Variants in DNAAF11 observed in about 807,000 individuals in gnomAD.
DNAAF11 encodes the protein leucine rich repeat containing 6.
Under a neutral mutation model 60.8 loss-of-function variants are expected in DNAAF11, and 45 were observed. The observed-to-expected ratio is 0.74, with a 90% CI of 0.58 to 0.95. The LOEUF is 0.95. DNAAF11 is among the 40% of genes least tolerant of loss of function. The probability of loss-of-function intolerance (pLI) is 0.00; values close to 1 mark genes in which losing one functional copy is unlikely to be tolerated. For missense variants in DNAAF11, 546 were observed against 546.2 expected, an observed-to-expected ratio of 1.00 and a Z score of 0.00; for synonymous variants, 191 against 183.5, an observed-to-expected ratio of 1.04 and a Z score of -0.33.
intron 8 of DNAAF11, among the ~76,000 whole-genome samples, chr8:132,614,502 A>T (rs950176389): frequency 6.6e-6 from 1 of 152,080 alleles, no homozygotes; most frequent in African/African-American, 2.4e-5. Flanking sequence ...TAGGGAGGAG[A>T]AAAGGACAAT....
intron 10 of DNAAF11, among the ~76,000 whole-genome samples, chr8:132,603,200 T>A (rs1817802074): frequency 6.6e-6 from 1 of 152,186 alleles, no homozygotes; most frequent in African/African-American, 2.4e-5. Context: ...AAGTTCTCAG[T>A]GTGATTGTTG....
chr8:132,602,054 T>A (rs1225600291), intron 10 of DNAAF11, among the ~76,000 whole-genome samples: 1 of 152,128 alleles, frequency 6.6e-6, no homozygotes, highest in Non-Finnish European at 1.5e-5. Context: ...TTCTCTATGC[T>A]TCATTCTGGA....
the DNAAF11 span, among the ~76,000 whole-genome samples, chr8:132,696,055 G>T: frequency 0.14 from 21,619 of 152,146 alleles, 4,399 homozygotes; most frequent in African/African-American, 0.45. Context: ...ATGGCATGGG[G>T]GAGGTGCAGT....
intron 11 of DNAAF11, 62 bp from the exon 12 acceptor site, chr8:132,572,542 T>G: frequency 8.0e-7 from 1 of 1,250,902 alleles, no homozygotes; most frequent in Non-Finnish European, 1.1e-6. Flanking sequence ...TTCAAACAGA[T>G]TCAACTCACC....
At chr8:132,599,913 T>A (rs1817427324) in intron 10 of DNAAF11, among the ~76,000 whole-genome samples, 1 of 152,152 alleles carries the variant, frequency 6.6e-6, no homozygotes, top group Non-Finnish European at 1.5e-5. Context: ...GTGTTGGAAG[T>A]TCTAGCCAGG....
At chr8:132,583,621 C>T in intron 11 of DNAAF11, 73 bp downstream of exon 11, 2 of 1,155,790 alleles carry the variant, frequency 1.7e-6, no homozygotes, top group Non-Finnish European at 1.3e-6. Flanking sequence ...ATTTTGGAAG[C>T]TGCATTCCAA....
At chr8:132,591,261 A>T (rs1445047274) in intron 10 of DNAAF11, among the ~76,000 whole-genome samples, 1 of 151,888 alleles carries the variant, frequency 6.6e-6, no homozygotes, top group Non-Finnish European at 1.5e-5. Flanking sequence ...CTTTTTTTTT[A>T]AATAGGAATT....
Position 132,572,451 on chromosome 8 carries a change from T to G in DNAAF11, c.1256A>C (p.Asp419Ala). The change falls in exon 12 of 12, where the codon GAC (aspartate) becomes GCC (alanine). Residue 419 changes from aspartate to alanine, a missense_variant. Coordinates refer to ENST00000620350, the MANE Select transcript of DNAAF11 (RefSeq NM_012472.6). ...ATCAGGGAATGAGTGCTTGCTAGGGTCTACTTCTAGTTTCTCCATGTGCTT... is the reference window on the plus strand; with the variant it reads ...ATCAGGGAATGAGTGCTTGCTAGGGGCTACTTCTAGTTTCTCCATGTGCTT... ...RSKHMEKLEVDPSKHSFPDVT... is the reference protein window; with the variant it reads ...RSKHMEKLEVAPSKHSFPDVT... The G allele has an allele frequency of 6.2e-7, 1 of 1,607,368 alleles. No individual in the cohort carries two copies. Among genetic ancestry groups the G allele is most frequent in the Non-Finnish European group, 8.5e-7 (1 of 1,177,094 alleles).
At chr8:132,696,080 G>A in the DNAAF11 span, among the ~76,000 whole-genome samples, 1 of 152,162 alleles carries the variant, frequency 6.6e-6, no homozygotes, top group African/African-American at 2.4e-5. Context: ...GGAATGACAA[G>A]GTCCAGGCTT....
chr8:132,591,004 T>C (rs1816403804), intron 10 of DNAAF11, among the ~76,000 whole-genome samples: 1 of 152,200 alleles, frequency 6.6e-6, no homozygotes, highest in Admixed American at 6.5e-5. Flanking sequence ...TTTTGAATAG[T>C]TAGATTGTTT....
In DNAAF11 at chr8:132,656,927, A is replaced by G. The variant is rs1244932662; in HGVS notation, c.179-20T>C. ...CATTTTCTGAAATACAAGATAATGT[A>G]GTTAAGATAATTAATCTTCAAAATA... On this transcript the variant is annotated intron_variant, in intron 2 of 11. Transcript: ENST00000620350. The G allele has an allele frequency of 4.4e-6, 4 of 915,198 alleles. No homozygotes were observed. The highest frequency in any genetic ancestry group is 5.1e-5 in the East Asian group (2 of 39,076). The allele number at this position is 915,198 out of a possible 1,614,324, so 56.7% of individuals were successfully genotyped here. A position where few individuals can be genotyped will look rare whatever the true frequency, so the allele number is the denominator to read the frequency against.
intron 10 of DNAAF11, among the ~76,000 whole-genome samples, chr8:132,598,895 C>T (rs1350049752): frequency 6.6e-6 from 1 of 152,140 alleles, no homozygotes; most frequent in Non-Finnish European, 1.5e-5. Flanking sequence ...CATTCAAAAG[C>T]TAGCAGAAGG....
rs73356840 is a variant in DNAAF11, at chr8:132,657,265, G to A, written c.179-358C>T. On this transcript the variant is annotated intron_variant, in intron 2 of 11. Coordinates refer to ENST00000620350, the MANE Select transcript of DNAAF11 (RefSeq NM_012472.6). ...AAGCCATGGCAGTCTTTTGGCAACC[G>A]TGTGATACAGGAGAGGACATGCACA... Among the ~76,000 whole-genome samples, 1,340 of 152,290 alleles carry A rather than the reference G, an allele frequency of 8.8e-3. 17 individuals are homozygous for A. Among genetic ancestry groups the A allele is most frequent in the African/African-American group, 0.03 (1,258 of 41,564 alleles).
At chr8:132,637,825 A>T in intron 4 of DNAAF11, 110 bp downstream of exon 4, 1 of 881,662 alleles carries the variant, frequency 1.1e-6, no homozygotes, top group Non-Finnish European at 1.7e-6. Context: ...TCTCTGGAAT[A>T]TTCCATTATC....
intron 3 of DNAAF11, among the ~76,000 whole-genome samples, chr8:132,655,198 A>T (rs1823422893): frequency 6.6e-6 from 1 of 152,058 alleles, no homozygotes; most frequent in Non-Finnish European, 1.5e-5. Flanking sequence ...ACCTTCCAAA[A>T]CTGAGTCAAG....
chr8:132,611,292 A>C lies in DNAAF11; in HGVS notation c.1044+2T>G. 6.2e-7 allele frequency: 1 copy of C among 1,607,454 alleles called. No individual in the cohort carries two copies. Among genetic ancestry groups the C allele is most frequent in the Non-Finnish European group, 8.5e-7 (1 of 1,174,180 alleles). On this transcript the variant is annotated splice_donor_variant, in intron 9 of 11. Coordinates refer to ENST00000620350, the MANE Select transcript of DNAAF11 (RefSeq NM_012472.6). LOFTEE classifies it high-confidence loss of function. Reference sequence around the variant, plus strand: ...TGTAATAGCCTACAGGGTTCTACTTACCTTTCCTTTGATCATTACTCGCAC... The same window carrying C: ...TGTAATAGCCTACAGGGTTCTACTTCCCTTTCCTTTGATCATTACTCGCAC...
chr8:132,628,253 G>C (rs1229145895), intron 5 of DNAAF11, among the ~76,000 whole-genome samples: 1 of 151,842 alleles, frequency 6.6e-6, no homozygotes, highest in Non-Finnish European at 1.5e-5. Context: ...CTCCACTAAA[G>C]ATACAAAAAT....
chr8:132,624,374 A>G (rs756267163), intron 6 of DNAAF11, among the ~76,000 whole-genome samples: 1 of 152,200 alleles, frequency 6.6e-6, no homozygotes, highest in Non-Finnish European at 1.5e-5. Context: ...ACATGCATAC[A>G]TAATCTTATT....
chr8:132,689,334 C>A, the DNAAF11 span, among the ~76,000 whole-genome samples: 1 of 152,138 alleles, frequency 6.6e-6, no homozygotes, highest in Non-Finnish European at 1.5e-5. Context: ...ATGGGGGGAA[C>A]TAGAGTTTTG....
Sources: gnomAD v4.1 joint callset for allele counts (sites outside exome capture counted in the v4.1 genomes callset) on GRCh38, gnomAD v4.1.1 for gene constraint, MANE v1.5 for transcripts, NCBI Gene and HGNC (gene_info 2026-07-23, HGNC 2026-07-21) for gene names.